Variants in GJB7 observed in about 807,000 individuals in gnomAD.
GJB7 encodes gap junction beta-7 protein.
For missense variants in GJB7, 253 were observed against 256.8 expected, an observed-to-expected ratio of 0.99 and a Z score of 0.10; for synonymous variants, 87 against 95.2, an observed-to-expected ratio of 0.91 and a Z score of 0.50.
chr6:87,308,244 G>T (rs908246690), intron 2 of GJB7, among the ~76,000 whole-genome samples: 4 of 143,978 alleles, frequency 2.8e-5, no homozygotes, highest in Non-Finnish European at 6.1e-5. Context: ...GGGGAGGGGG[G>T]AGGGATAGCA....
chr6:87,310,771 T>C (rs1026104052), intron 2 of GJB7, among the ~76,000 whole-genome samples: 1 of 152,206 alleles, frequency 6.6e-6, no homozygotes, highest in African/African-American at 2.4e-5. Flanking sequence ...AGCATATAAA[T>C]GGATACTAAT....
intron 2 of GJB7, among the ~76,000 whole-genome samples, chr6:87,289,954 G>C (rs1265300733): frequency 6.6e-6 from 1 of 152,200 alleles, no homozygotes; most frequent in Admixed American, 6.5e-5. Flanking sequence ...AGGAGCACTG[G>C]ATTTCCAATT....
At position 87,284,154 on chromosome 6, in the gene GJB7, G is replaced by A; in HGVS notation, c.*87C>T. ...AGAGTAGCTTTGCTTCAGGTAGAGG[G>A]AGTGTGTTTATGGCCAAGTGTGAAG... On this transcript the variant is annotated 3_prime_UTR_variant, in exon 3 of 3. Coordinates refer to ENST00000525899, the MANE Select transcript of GJB7 (RefSeq NM_198568.3). The A allele has an allele frequency of 9.6e-7, 1 of 1,043,184 alleles. No homozygotes were observed. Among genetic ancestry groups the A allele is most frequent in the Non-Finnish European group, 1.4e-6 (1 of 699,356 alleles). 64.6% of individuals were successfully genotyped at this position (1,043,184 alleles called of 1,614,324 possible). A position where few individuals can be genotyped will look rare whatever the true frequency, so the allele number is the denominator to read the frequency against.
At chr6:87,322,254 A>C (rs1776678485) in intron 2 of GJB7, 1 of 152,248 alleles carries the variant, frequency 6.6e-6, no homozygotes, top group South Asian at 2.1e-4. Context: ...TTTCTTTCCC[A>C]AATCAGAATG....
chr6:87,311,085 C>T (rs960583491), intron 2 of GJB7, among the ~76,000 whole-genome samples: 6 of 152,006 alleles, frequency 3.9e-5, no homozygotes, highest in Admixed American at 2.6e-4. Context: ...CAAGGAAATA[C>T]AAATTAAACC....
intron 2 of GJB7, among the ~76,000 whole-genome samples, chr6:87,304,704 C>G (rs904004575): frequency 1.3e-5 from 2 of 152,194 alleles, no homozygotes; most frequent in Admixed American, 1.3e-4. Context: ...ATACCAAAGC[C>G]TGGCAGAGAC....
At chr6:87,314,501 T>C (rs1776554784) in intron 2 of GJB7, among the ~76,000 whole-genome samples, 1 of 152,246 alleles carries the variant, frequency 6.6e-6, no homozygotes, top group Admixed American at 6.5e-5. Flanking sequence ...TGAGACAAGT[T>C]GTTTCTGTAA....
Position 87,284,117 on chromosome 6 carries a change from CTT to C in GJB7, c.*122_*123del, listed in dbSNP as rs1776016324. 1.3e-6 allele frequency: 1 copy of C among 775,006 alleles called. No individual in the cohort carries two copies. Among genetic ancestry groups the C allele is most frequent in the South Asian group, 1.8e-5 (1 of 55,592 alleles). 48.0% of individuals were successfully genotyped at this position (775,006 alleles called of 1,614,324 possible). Reference sequence around the variant, plus strand: ...ATGCAGGTTTTCTTTGTTTAACCCTCTTGTGTGTCACAGAGTAGCTTTGCTTC... The same window carrying C: ...ATGCAGGTTTTCTTTGTTTAACCCTCGTGTGTCACAGAGTAGCTTTGCTTC... On this transcript the variant is annotated 3_prime_UTR_variant, in exon 3 of 3. Transcript: ENST00000525899.
chr6:87,300,810 C>T (rs1270481956), intron 2 of GJB7, among the ~76,000 whole-genome samples: 1 of 152,172 alleles, frequency 6.6e-6, no homozygotes, highest in Non-Finnish European at 1.5e-5. Context: ...AAAAGTTAAG[C>T]AGCCTTTCTG....
At chr6:87,299,490 T>C in intron 2 of GJB7, 2 of 398,038 alleles carry the variant, frequency 5.0e-6, no homozygotes, top group South Asian at 4.2e-5. Context: ...TTGTATTGAA[T>C]GAAATGAAAA....
intron 1 of GJB7, among the ~76,000 whole-genome samples, chr6:87,323,597 C>T (rs1776729166): frequency 6.6e-6 from 1 of 152,026 alleles, no homozygotes; most frequent in African/African-American, 2.4e-5. Context: ...CTACAAAGGA[C>T]ATGAACTCAT....
intron 2 of GJB7, among the ~76,000 whole-genome samples, chr6:87,287,312 A>G (rs557002904): frequency 2.0e-5 from 3 of 152,344 alleles, no homozygotes; most frequent in African/African-American, 7.2e-5. Context: ...AAAGAGAATC[A>G]TGGAAATGGT....
chr6:87,317,578 C>T (rs549067949), intron 2 of GJB7, among the ~76,000 whole-genome samples: 213 of 152,070 alleles, frequency 1.4e-3, no homozygotes, highest in African/African-American at 4.8e-3. Context: ...TACGGGCACG[C>T]GCCACCATGC....
chr6:87,311,693 T>G (rs1312346116), intron 2 of GJB7, among the ~76,000 whole-genome samples: 1 of 152,238 alleles, frequency 6.6e-6, no homozygotes, highest in Non-Finnish European at 1.5e-5. Context: ...TTAAGTGAGC[T>G]GTTTACCTCA....
chr6:87,302,857 G>T (rs901053444), intron 2 of GJB7, among the ~76,000 whole-genome samples: 1 of 152,072 alleles, frequency 6.6e-6, no homozygotes, highest in Non-Finnish European at 1.5e-5. Flanking sequence ...AGCCAGAAGA[G>T]AGTGGGGGCC....
chr6:87,322,456 C>T (rs1359351212), intron 2 of GJB7: 1 of 152,280 alleles, frequency 6.6e-6, no homozygotes. Context: ...GTCCTCAGAA[C>T]CGGAAAGGCT....
At chr6:87,305,852 G>C (rs1024958142) in intron 2 of GJB7, among the ~76,000 whole-genome samples, 1 of 152,150 alleles carries the variant, frequency 6.6e-6, no homozygotes, top group Non-Finnish European at 1.5e-5. Flanking sequence ...GAAAAGAACA[G>C]AGCCCTCAGA....
intron 2 of GJB7, among the ~76,000 whole-genome samples, chr6:87,301,885 C>G (rs1210464082): frequency 6.6e-6 from 1 of 152,268 alleles, no homozygotes; most frequent in Non-Finnish European, 1.5e-5. Context: ...ACTCGCTGTT[C>G]TGCAGCCTCC....
At chr6:87,307,202 CAA>C (rs74215604) in intron 2 of GJB7, among the ~76,000 whole-genome samples, 13 of 129,254 alleles carry the variant, frequency 1.0e-4, no homozygotes, top group Admixed American at 7.6e-4. Context: ...AATTTTTAGC[CAA>C]AAAAAAAAAA....
Sources: gnomAD v4.1 joint callset for allele counts (sites outside exome capture counted in the v4.1 genomes callset) on GRCh38, gnomAD v4.1.1 for gene constraint, MANE v1.5 for transcripts, NCBI Gene and HGNC (gene_info 2026-07-23, HGNC 2026-07-21) for gene names.